The following ARHGEF26 variants were observed in gnomAD, a reference collection of about 807,000 sequenced individuals.
ARHGEF26 encodes the protein Rho guanine nucleotide exchange factor 26.
ARHGEF26 carries 59 observed loss-of-function variants against 89.4 expected under a neutral mutation model. That is an observed-to-expected ratio of 0.66 (90% CI 0.54 to 0.82). The LOEUF (loss-of-function observed/expected upper bound fraction) is 0.82, where lower values mean the gene tolerates loss of function less well. ARHGEF26 is among the 40% of genes least tolerant of loss of function. The pLI, the probability that ARHGEF26 is intolerant of heterozygous loss-of-function variation, is 0.00. For synonymous variants in ARHGEF26, 500 were observed against 428.4 expected (o/e 1.17, Z -2.06); for missense variants, 1,234 against 1,085.6 (o/e 1.14, Z -1.92).
chr3:154,249,779 GTCA>G (rs1576830572), intron 12 of ARHGEF26, among the ~76,000 whole-genome samples: 1 of 152,182 alleles, frequency 6.6e-6, no homozygotes, highest in Non-Finnish European at 1.5e-5. Context: ...GCTTACTCTT[GTCA>G]CTTTGTGCAA....
chr3:154,158,399 G>A (rs1488661929), intron 6 of ARHGEF26, among the ~76,000 whole-genome samples: 5 of 152,162 alleles, frequency 3.3e-5, no homozygotes, highest in Non-Finnish European at 7.4e-5. Context: ...CTCCTTAAAA[G>A]GAGTATTTGG....
At chr3:154,244,231 A>G (rs1717655226) in intron 12 of ARHGEF26, among the ~76,000 whole-genome samples, 1 of 152,214 alleles carries the variant, frequency 6.6e-6, no homozygotes, top group Non-Finnish European at 1.5e-5. Flanking sequence ...TTGTCACTAA[A>G]GGCCACCTGA....
At chr3:154,174,842 ATAGT>A (rs1276697349) in intron 6 of ARHGEF26, among the ~76,000 whole-genome samples, 14 of 152,188 alleles carry the variant, frequency 9.2e-5, no homozygotes, top group African/African-American at 3.1e-4. Context: ...GAATTAAAAA[ATAGT>A]TAAGAAATTT....
intron 4 of ARHGEF26, among the ~76,000 whole-genome samples, chr3:154,134,708 G>T (rs1297438609): frequency 1.3e-5 from 2 of 151,838 alleles, no homozygotes; most frequent in Non-Finnish European, 2.9e-5. Flanking sequence ...TGTTGGTGAT[G>T]GGTTTGTAAT....
chr3:154,203,417 C>G (rs1714787593), intron 9 of ARHGEF26, among the ~76,000 whole-genome samples: 1 of 151,870 alleles, frequency 6.6e-6, no homozygotes, highest in African/African-American at 2.4e-5. Flanking sequence ...TTATTGAGAT[C>G]TTATCATCTG....
At chr3:154,226,196 T>C (rs997124567) in intron 11 of ARHGEF26, among the ~76,000 whole-genome samples, 186 bp downstream of exon 11, 2 of 152,210 alleles carry the variant, frequency 1.3e-5, no homozygotes, top group East Asian at 3.8e-4. Flanking sequence ...GACGAATCAT[T>C]ATCTGCATCA....
At position 154,217,919 on chromosome 3, in the gene ARHGEF26, G is replaced by A; in HGVS notation, c.1896G>A (p.Met632Ile). Reference protein sequence around the residue: ...EGARKMERTEMMYTINSQLEF... With the variant: ...EGARKMERTEIMYTINSQLEF... ...CCCGGAAGATGGAAAGGACTGAGAT[G>A]ATGTACACAATTAACTCCCAGCTGG... Residue 632 changes from methionine to isoleucine, a missense_variant, in exon 10 of 15, where the codon ATG becomes ATA. Transcript: ENST00000465093. 1 of 1,601,432 alleles carries A rather than the reference G, an allele frequency of 6.2e-7. No homozygotes were observed. Among genetic ancestry groups the A allele is most frequent in the Non-Finnish European group, 8.5e-7 (1 of 1,173,734 alleles).
chr3:154,238,241 G>A (rs1483353950), intron 11 of ARHGEF26, among the ~76,000 whole-genome samples: 1 of 152,180 alleles, frequency 6.6e-6, no homozygotes, highest in Non-Finnish European at 1.5e-5. Flanking sequence ...CATTTTGGAT[G>A]TGAGAAATAT....
rs565065435 is a variant in ARHGEF26, at chr3:154,240,490, A to T, written c.2211A>T (p.Arg737Ser). 1 of 1,613,428 alleles carries T rather than the reference A, an allele frequency of 6.2e-7. No homozygotes were observed. The highest frequency in any genetic ancestry group is 8.5e-7 in the Non-Finnish European group (1 of 1,179,612). The change falls in exon 12 of 15, where the codon AGA becomes AGT. Residue 737 changes from arginine (R) to serine (S), a missense_variant. Transcript: ENST00000465093. ...ACAGCTCCACAATGCTCTATTCAAG[A>T]CAGAGCTCTGCCAGTCACCTCTTTA... Reference protein sequence around the residue: ...GKNSSTMLYSRQSSASHLFTL... With the variant: ...GKNSSTMLYSSQSSASHLFTL...
intron 6 of ARHGEF26, among the ~76,000 whole-genome samples, chr3:154,166,948 C>T (rs2108129766): frequency 6.6e-6 from 1 of 152,212 alleles, no homozygotes; most frequent in Admixed American, 6.5e-5. Context: ...ACGATGATTG[C>T]CTACCATACA....
chr3:154,254,899 G>A, intron 14 of ARHGEF26, 75 bp downstream of exon 14: 1 of 1,205,948 alleles, frequency 8.3e-7, no homozygotes, highest in Non-Finnish European at 1.2e-6. Flanking sequence ...GTGTCATTTT[G>A]TCATCATTGC....
intron 11 of ARHGEF26, among the ~76,000 whole-genome samples, chr3:154,238,650 TGAG>T (rs765424684): frequency 2.3e-4 from 35 of 152,184 alleles, no homozygotes; most frequent in Non-Finnish European, 4.3e-4. Flanking sequence ...TATTATTAAA[TGAG>T]GTAATTATTC....
chr3:154,204,468 G>T (rs1318342422), intron 9 of ARHGEF26, among the ~76,000 whole-genome samples: 3 of 150,998 alleles, frequency 2.0e-5, no homozygotes, highest in Non-Finnish European at 4.4e-5. Context: ...TCAAGTAGCT[G>T]GGACTACAGG....
At chr3:154,207,321 C>CTACA (rs1006441201) in intron 9 of ARHGEF26, among the ~76,000 whole-genome samples, 3 of 152,082 alleles carry the variant, frequency 2.0e-5, no homozygotes, top group Non-Finnish European at 4.4e-5. Context: ...AACAGACAGC[C>CTACA]TACAGAATGG....
At chr3:154,190,774 A>G (rs530152063) in intron 7 of ARHGEF26, among the ~76,000 whole-genome samples, 1 of 152,340 alleles carries the variant, frequency 6.6e-6, no homozygotes, top group East Asian at 1.9e-4. Context: ...GACTGATGTG[A>G]TGAAAAGGTT....
chr3:154,129,685 A>C lies in ARHGEF26; in HGVS notation c.1235A>C (p.Lys412Thr). Residue 412 changes from lysine (K) to threonine (T), a missense_variant, in exon 4 of 15, where the codon AAG becomes ACG. Transcript: ENST00000465093. ...GATGAAAAAATTGTGATTCACCATA[A>C]GCCATTGAGATCCACATGGAGCCAA... ...KSDEKIVIHH[K>T]PLRSTWSQLS... 6.2e-7 allele frequency: 1 copy of C among 1,612,550 alleles called. No individual in the cohort carries two copies. The highest frequency in any genetic ancestry group is 8.5e-7 in the Non-Finnish European group (1 of 1,179,306).
At chr3:154,179,003 T>G (rs1308245268) in intron 6 of ARHGEF26, among the ~76,000 whole-genome samples, 2 of 152,186 alleles carry the variant, frequency 1.3e-5, no homozygotes, top group Non-Finnish European at 2.9e-5. Flanking sequence ...GAGTTCTACA[T>G]GGTCTAGGCC....
At chr3:154,181,413 G>A (rs1182017616) in intron 6 of ARHGEF26, among the ~76,000 whole-genome samples, 3 of 152,172 alleles carry the variant, frequency 2.0e-5, no homozygotes, top group South Asian at 2.1e-4. Flanking sequence ...GCTCATTTAA[G>A]TGAGGGAGAC....
At chr3:154,161,099 TTTGTGTGTGTGTGTGTGTGTG>T (rs1417156025) in intron 6 of ARHGEF26, among the ~76,000 whole-genome samples, 39 of 147,332 alleles carry the variant, frequency 2.6e-4, no homozygotes, top group African/African-American at 8.3e-4. Flanking sequence ...GGTAGCCAGG[TTTGTGTGTGTGTGTGTGTGTG>T]TGTGTGTGTG....
Sources: allele counts gnomAD v4.1 joint callset (sites outside exome capture counted in the v4.1 genomes callset), GRCh38; gene constraint gnomAD v4.1.1; transcripts MANE v1.5; gene names NCBI Gene and HGNC (gene_info 2026-07-23, HGNC 2026-07-21).